APOBEC1: variants seen among roughly 807,000 people sequenced by gnomAD.
APOBEC1 encodes apolipoprotein B mRNA editing enzyme catalytic subunit 1, also known as C->U-editing enzyme APOBEC-1.
In APOBEC1, 22 loss-of-function variants were observed where a neutral mutation model predicts 26.3. The ratio of observed to expected loss-of-function variants is 0.84; its 90% CI spans 0.60 to 1.19. APOBEC1 has a LOEUF of 1.19. Ranked by LOEUF, APOBEC1 falls within the 50% of genes most tolerant of loss-of-function variation. The pLI is 0.00. For missense variants in APOBEC1, 253 were observed against 289.0 expected (o/e 0.88, Z 0.90); for synonymous variants, 77 against 95.3 (o/e 0.81, Z 1.12).
intron 2 of APOBEC1, among the ~76,000 whole-genome samples, chr12:7,653,488 C>A (rs1863674982): frequency 8.6e-6 from 1 of 115,950 alleles, no homozygotes; most frequent in Admixed American, 1.0e-4. Context: ...ATATTCTAAC[C>A]CTTTTTTTTT....
chr12:7,652,341 A>T (rs1863654827), intron 3 of APOBEC1, 97 bp downstream of exon 3: 14 of 1,142,700 alleles, frequency 1.2e-5, no homozygotes, highest in African/African-American at 3.1e-5. Flanking sequence ...TACTTCTGAG[A>T]CTTCCAGCCT....
upstream of APOBEC1, among the ~76,000 whole-genome samples, chr12:7,666,780 G>C (rs1034770770): frequency 6.6e-6 from 1 of 152,138 alleles, no homozygotes; most frequent in Non-Finnish European, 1.5e-5. Context: ...CCGTGTTGGA[G>C]AGGGGAGGGG....
intron 1 of APOBEC1, among the ~76,000 whole-genome samples, chr12:7,660,375 G>GAAA (rs1555094887): frequency 0.011 from 266 of 23,952 alleles, 3 homozygotes; most frequent in Middle Eastern, 0.062. Context: ...AAGGAAGGAA[G>GAAA]GAAAGAAAGA....
chr12:7,660,164 G>A (rs1219929846), intron 1 of APOBEC1, among the ~76,000 whole-genome samples: 31 of 150,896 alleles, frequency 2.1e-4, no homozygotes, highest in Admixed American at 2.0e-3. Context: ...TTAGCCAGGT[G>A]TGGTGGCAGG....
intron 1 of APOBEC1, among the ~76,000 whole-genome samples, chr12:7,664,855 A>C (rs1451320851): frequency 6.6e-6 from 1 of 151,384 alleles, no homozygotes; most frequent in Non-Finnish European, 1.5e-5. Flanking sequence ...AGCAGTGAGC[A>C]GTGATCACAC....
intron 4 of APOBEC1, 94 bp downstream of exon 4, chr12:7,650,929 C>CA: frequency 1.1e-6 from 1 of 882,042 alleles, no homozygotes; most frequent in Non-Finnish European, 1.8e-6. Flanking sequence ...ATATAAATGT[C>CA]AAAAAGAAGA....
At chr12:7,652,317 T>C in intron 3 of APOBEC1, 121 bp downstream of exon 3, 1 of 870,912 alleles carries the variant, frequency 1.1e-6, no homozygotes, top group Non-Finnish European at 1.7e-6. Flanking sequence ...CTTTATGACA[T>C]TATTTTGGAC....
At chr12:7,669,986 C>CT (rs1473659268), upstream of APOBEC1, among the ~76,000 whole-genome samples, 10 of 151,778 alleles carry the variant, frequency 6.6e-5, no homozygotes, top group East Asian at 1.7e-3. Flanking sequence ...CCTCGCCCAC[C>CT]TCCCACCCAC....
chr12:7,662,984 T>C (rs147886939), intron 1 of APOBEC1, among the ~76,000 whole-genome samples: 3 of 152,222 alleles, frequency 2.0e-5, no homozygotes, highest in Non-Finnish European at 4.4e-5. Context: ...GGGAGAGTAC[T>C]GAATTTTAGA....
chr12:7,651,049 C>T lies in APOBEC1; in HGVS notation c.535G>A (p.Ala179Thr), dbSNP rs149124082. Residue 179 changes from alanine to threonine, a missense_variant, in exon 4 of 5, where the codon GCA (alanine) becomes ACA (threonine). By Grantham distance (58) the Ala-to-Thr change is moderately conservative. Transcript: ENST00000229304. ...AGAATTATGCAGTGCAGCTCCAGTG[C>T]GTACAACATCATCCACAGAGGTGGG... ...QYPPLWMMLY[A>T]LELHCIILSL... The T allele has an allele frequency of 9.4e-5, 152 of 1,613,762 alleles. No homozygotes were observed. The African/African-American group carries it at 1.3e-3, about 13-fold the overall frequency.
At chr12:7,662,222 C>T (rs1051582668) in intron 1 of APOBEC1, among the ~76,000 whole-genome samples, 2 of 152,046 alleles carry the variant, frequency 1.3e-5, no homozygotes, top group Admixed American at 6.6e-5. Context: ...CCATGATCGC[C>T]ATTGCACTCC....
chr12:7,667,113 T>C (rs1429322470), upstream of APOBEC1, among the ~76,000 whole-genome samples: 1 of 152,052 alleles, frequency 6.6e-6, no homozygotes, highest in East Asian at 1.9e-4. Flanking sequence ...GGTTTCTCCA[T>C]GTTGGCCAGG....
chr12:7,656,009 A>AT lies in APOBEC1; in HGVS notation c.17-1378dup, dbSNP rs542428972. ...AAATTAAAATTTTATTTCATTTGTT[A>AT]TTTTTTTTGTGGAGGCGTGTTCTCT... On this transcript the variant is annotated intron_variant, in intron 1 of 4. Transcript: ENST00000229304. Among the ~76,000 whole-genome samples the AT allele has an allele frequency of 1.2e-3, 185 of 151,496 alleles. 1 individual carries two copies. The highest frequency in any genetic ancestry group is 3.4e-3 in the Middle Eastern group (1 of 294).
At chr12:7,666,570 C>T (rs777377425), upstream of APOBEC1, among the ~76,000 whole-genome samples, 4 of 152,084 alleles carry the variant, frequency 2.6e-5, no homozygotes, top group African/African-American at 9.7e-5. Context: ...GCTGGGATTA[C>T]AGGCATGAGC....
intron 2 of APOBEC1, among the ~76,000 whole-genome samples, chr12:7,654,065 C>T (rs1565440339): frequency 6.6e-6 from 1 of 152,168 alleles, no homozygotes; most frequent in South Asian, 2.1e-4. Flanking sequence ...CATGACTTCC[C>T]TGTCCTATGT....
rs191285090 is a variant in APOBEC1 at position 7,651,112 on chromosome 12, T to C, written c.472A>G (p.Asn158Asp). 5.6e-6 allele frequency: 9 copies of C among 1,613,946 alleles called. No homozygotes were observed. In the Admixed American group the frequency reaches 1.5e-4, roughly 27 times the overall value. ...TGAGCTTCATCCCCAGGTGGGTAGT[T>C]GACAAAATTCCTCCAGCAGTGATAA... ...EYYHCWRNFV[N>D]YPPGDEAHWP... Residue 158 changes from asparagine (N) to aspartate (D), a missense_variant, in exon 4 of 5, where the codon AAC becomes GAC. Physicochemically the swap from Asn to Asp is conservative, Grantham distance 23. Coordinates refer to ENST00000229304, the MANE Select transcript of APOBEC1 (RefSeq NM_001644.5).
intron 1 of APOBEC1, among the ~76,000 whole-genome samples, chr12:7,655,741 C>T (rs1863706015): frequency 6.6e-6 from 1 of 152,022 alleles, no homozygotes; most frequent in East Asian, 2.0e-4. Context: ...ATAATCCCAG[C>T]TTTTTGAGAT....
chr12:7,665,815 C>T, intron 1 of APOBEC1, 42 bp downstream of exon 1: 1 of 1,456,880 alleles, frequency 6.9e-7, no homozygotes, highest in Non-Finnish European at 9.5e-7. Flanking sequence ...ACCATTCTTG[C>T]ATTGTTCAAG....
Position 7,654,646 on chromosome 12 carries a change from T to C in APOBEC1, c.17-14A>G. The C allele has an allele frequency of 6.2e-7, 1 of 1,613,694 alleles. No individual in the cohort carries two copies. The highest frequency in any genetic ancestry group is 8.5e-7 in the Non-Finnish European group (1 of 1,179,612). On this transcript the variant is annotated splice_polypyrimidine_tract_variant and intron_variant, in intron 1 of 4. Coordinates refer to ENST00000229304, the MANE Select transcript of APOBEC1 (RefSeq NM_001644.5). ...CGGTTGAAGGACCTGTTGACCAAGA[T>C]ATGATTATGTCAAACAACACTCAAA...
Sources: allele counts gnomAD v4.1 joint callset (sites outside exome capture counted in the v4.1 genomes callset), GRCh38; gene constraint gnomAD v4.1.1; transcripts MANE v1.5; gene names NCBI Gene and HGNC (gene_info 2026-07-23, HGNC 2026-07-21).